Variants in RARB observed in about 807,000 individuals in gnomAD.
RARB encodes HBV-activated protein.
RARB carries 17 observed loss-of-function variants against 51.9 expected under a neutral mutation model. The ratio of observed to expected loss-of-function variants is 0.33; its 90% CI spans 0.22 to 0.49. RARB has a LOEUF of 0.49. RARB is among the 20% of genes least tolerant of loss of function. The pLI is 0.99. For missense variants in RARB, 369 were observed against 550.8 expected (o/e 0.67, Z 3.30); for synonymous variants, 215 against 195.4 (o/e 1.10, Z -0.84).
chr3:25,440,109 A>G (rs1708599874), intron 1 of RARB, among the ~76,000 whole-genome samples: 2 of 152,216 alleles, frequency 1.3e-5, no homozygotes, highest in South Asian at 4.1e-4. Flanking sequence ...TTGACACATG[A>G]TGCTCAGTAA....
Position 25,030,086 on chromosome 3 carries a change from C to A in RARB, c.-379-30039C>A, listed in dbSNP as rs148008881. Among the ~76,000 whole-genome samples the A allele has an allele frequency of 2.4e-3, 372 of 152,296 alleles. 1 individual carries two copies. The highest frequency in any genetic ancestry group is 8.4e-3 in the African/African-American group (348 of 41,568). On this transcript the variant is annotated intron_variant, in intron 2 of 11. Coordinates refer to the RARB transcript ENST00000383772. ...TGAGCTTTCAGTGCTAGAATGGAGT[C>A]ATGCAGGGTGATCAAGTAGATTGTA...
chr3:25,166,469 G>GA lies in RARB; in HGVS notation c.-279-7643dup, dbSNP rs549469018. 3.5e-4 allele frequency among the ~76,000 whole-genome samples: 53 copies of GA among 151,928 alleles called. 1 individual carries two copies. The South Asian group carries it at 1.0e-2, about 29-fold the overall frequency. ...GGAGGCTTGAGCTAAAATACATTGGGAAAAAAATGGCAATATATATGTAGT... is the reference window on the plus strand; with the variant it reads ...GGAGGCTTGAGCTAAAATACATTGGGAAAAAAAATGGCAATATATATGTAGT... On this transcript the variant is annotated intron_variant, in intron 4 of 11. Transcript: ENST00000383772.
At chr3:24,852,071 T>TG (rs1702567284) in intron 1 of RARB, among the ~76,000 whole-genome samples, 1 of 152,200 alleles carries the variant, frequency 6.6e-6, no homozygotes, top group Non-Finnish European at 1.5e-5. Context: ...TGGAATTCCA[T>TG]GGGGAAATTT....
rs543572017 is a variant in RARB, at chr3:25,564,136, A to C, written c.449-5622A>C. ...AATGAACATGACTTCATTTATTTCC[A>C]TGATTAGACATTCAAATAAAAGTGC... is the stretch of plus-strand genomic sequence containing the variant. On this transcript the variant is annotated intron_variant, in intron 3 of 7. Coordinates refer to ENST00000330688, the MANE Select transcript of RARB (RefSeq NM_000965.5). Among the ~76,000 whole-genome samples the C allele has an allele frequency of 2.0e-5, 3 of 152,280 alleles. No homozygotes were observed. The South Asian group carries it at 6.2e-4, about 32-fold the overall frequency.
At position 24,849,036 on chromosome 3, in the gene RARB, T is replaced by C. The variant is rs146024643; in HGVS notation, c.-458-9638T>C. 2.4e-3 allele frequency among the ~76,000 whole-genome samples: 368 copies of C among 152,362 alleles called. 3 individuals are homozygous for C. The South Asian group carries it at 0.027, about 11-fold the overall frequency. On this transcript the variant is annotated intron_variant, in intron 1 of 11. Transcript: ENST00000383772. The stretch of plus-strand genomic sequence containing the variant: ...TTCTGGCTATAGTAGTCCACTGTTA[T>C]CTGCAGGGGATACTTTCCAAGGCCC...
intron 3 of RARB, among the ~76,000 whole-genome samples, chr3:25,096,189 G>A (rs1298760760): frequency 1.3e-5 from 2 of 152,154 alleles, no homozygotes; most frequent in Non-Finnish European, 2.9e-5. Context: ...TCTCCCACTG[G>A]ACTTCACTCA....
intron 2 of RARB, among the ~76,000 whole-genome samples, chr3:24,930,662 C>T (rs1695419522): frequency 6.6e-6 from 1 of 152,052 alleles, no homozygotes; most frequent in Admixed American, 6.6e-5. Flanking sequence ...AAATTCTTTT[C>T]AAATGTTACT....
At chr3:25,523,087 C>T (rs562273105) in intron 3 of RARB, among the ~76,000 whole-genome samples, 1 of 152,282 alleles carries the variant, frequency 6.6e-6, no homozygotes, top group Admixed American at 6.5e-5. Flanking sequence ...TTTTTCAACA[C>T]ACAGTGGAAT....
At chr3:24,941,259 T>C (rs1022266811) in intron 2 of RARB, among the ~76,000 whole-genome samples, 4 of 152,162 alleles carry the variant, frequency 2.6e-5, no homozygotes, top group Non-Finnish European at 4.4e-5. Context: ...CTTGGAGATA[T>C]TGGACTAACT....
intron 5 of RARB, among the ~76,000 whole-genome samples, chr3:25,181,070 A>C (rs1700851010): frequency 6.6e-6 from 1 of 152,160 alleles, no homozygotes; most frequent in Non-Finnish European, 1.5e-5. Flanking sequence ...GTTATGACCA[A>C]AGTCAGTCCT....
chr3:25,179,777 C>T (rs1462598221), intron 5 of RARB, among the ~76,000 whole-genome samples: 1 of 152,120 alleles, frequency 6.6e-6, no homozygotes, highest in African/African-American at 2.4e-5. Flanking sequence ...GTATTGATTA[C>T]TTTAGTGCCT....
Position 24,984,871 on chromosome 3 carries a change from C to T in RARB, c.-379-75254C>T, listed in dbSNP as rs147767102. On this transcript the variant is annotated intron_variant, in intron 2 of 11. Transcript: ENST00000383772. ...CATAACATCTTTAGCTCAGTGAAAA[C>T]GTAAGTTCCAAAAGCAATAGCCTGC... Among the ~76,000 whole-genome samples, 77 of 152,272 alleles carry T rather than the reference C, an allele frequency of 5.1e-4. 1 individual carries two copies. The East Asian group carries it at 6.4e-3, about 13-fold the overall frequency.
intron 2 of RARB, among the ~76,000 whole-genome samples, chr3:25,046,329 A>G (rs1046938360): frequency 6.6e-6 from 1 of 152,248 alleles, no homozygotes; most frequent in African/African-American, 2.4e-5. Flanking sequence ...CTAAGTGAAT[A>G]GAGACTGAGA....
chr3:24,999,434 C>G (rs1697111232), intron 2 of RARB, among the ~76,000 whole-genome samples: 1 of 152,154 alleles, frequency 6.6e-6, no homozygotes, highest in Admixed American at 6.6e-5. Context: ...GAAGAAAACT[C>G]ATTGCTTATT....
chr3:25,569,943 T>C (rs1209650999), intron 4 of RARB, 25 bp downstream of exon 4: 1 of 1,606,404 alleles, frequency 6.2e-7, no homozygotes, highest in East Asian at 2.2e-5. Context: ...TGCCCCAGGC[T>C]GCTGGGAGTG....
chr3:25,254,914 C>T (rs1702823801), intron 5 of RARB, among the ~76,000 whole-genome samples: 1 of 152,212 alleles, frequency 6.6e-6, no homozygotes, highest in African/African-American at 2.4e-5. Context: ...ACTACCTTAG[C>T]AGCCAACTGG....
intron 2 of RARB, among the ~76,000 whole-genome samples, chr3:25,498,965 C>T (rs1211815519): frequency 1.3e-5 from 2 of 152,118 alleles, no homozygotes; most frequent in Non-Finnish European, 2.9e-5. Flanking sequence ...ATTTTAGATT[C>T]TAAGCACATT....
chr3:25,147,201 T>TTTTA (rs1264731833), intron 4 of RARB, among the ~76,000 whole-genome samples: 1 of 152,188 alleles, frequency 6.6e-6, no homozygotes, highest in East Asian at 1.9e-4. Context: ...GGTATCTATA[T>TTTTA]TTTAACAAGC....
chr3:25,590,460 C>T (rs1701572616), intron 5 of RARB, among the ~76,000 whole-genome samples: 2 of 152,144 alleles, frequency 1.3e-5, no homozygotes, highest in Admixed American at 1.3e-4. Flanking sequence ...CCATTTGATT[C>T]CAGACTAGAA....
Sources: allele counts gnomAD v4.1 joint callset (sites outside exome capture counted in the v4.1 genomes callset), GRCh38; gene constraint gnomAD v4.1.1; transcripts MANE v1.5; gene names NCBI Gene and HGNC (gene_info 2026-07-23, HGNC 2026-07-21).